Variants in TRRAP observed in about 807,000 individuals in gnomAD.
The protein encoded by TRRAP is transformation/transcription domain-associated protein.
TRRAP carries 41 observed loss-of-function variants against 438.8 expected under a neutral mutation model. That is an observed-to-expected ratio of 0.09 (90% CI 0.07 to 0.12). TRRAP has a LOEUF of 0.12. Among genes scored for constraint, TRRAP ranks in the 10% least tolerant of loss-of-function variants. The pLI is 1.00. For missense variants in TRRAP, 3,122 were observed against 5,055.1 expected (o/e 0.62, Z 11.60); for synonymous variants, 1,994 against 1,962.9 (o/e 1.02, Z -0.42).
At chr7:98,923,169 A>G (rs1452349339) in intron 21 of TRRAP, among the ~76,000 whole-genome samples, 3 of 152,230 alleles carry the variant, frequency 2.0e-5, no homozygotes, top group Non-Finnish European at 4.4e-5. Context: ...AGAGAATTGG[A>G]TGGCTAAAAT....
chr7:98,952,829 T>C (rs1185090166), intron 39 of TRRAP, among the ~76,000 whole-genome samples: 2 of 152,192 alleles, frequency 1.3e-5, no homozygotes, highest in Non-Finnish European at 2.9e-5. Flanking sequence ...GGCCGTCACC[T>C]GTGCAGATCG....
At chr7:98,972,451 A>G (rs912641465) in intron 53 of TRRAP, among the ~76,000 whole-genome samples, 2 of 152,250 alleles carry the variant, frequency 1.3e-5, no homozygotes, top group East Asian at 3.8e-4. Context: ...AGACATAATA[A>G]TGTTGGATTA....
At chr7:98,985,711 T>G (rs778169277) in intron 62 of TRRAP, among the ~76,000 whole-genome samples, 1 of 152,370 alleles carries the variant, frequency 6.6e-6, no homozygotes, top group Middle Eastern at 3.4e-3. Context: ...CTTCAGTCTG[T>G]GGGGCTTGCA....
chr7:98,909,929 C>G (rs1366267756), intron 14 of TRRAP, 127 bp from the exon 15 acceptor site: 21 of 1,436,306 alleles, frequency 1.5e-5, no homozygotes, highest in Non-Finnish European at 1.9e-5. Flanking sequence ...ACACCAACCT[C>G]ATAGAAAAGC....
intron 45 of TRRAP, among the ~76,000 whole-genome samples, chr7:98,959,950 A>G (rs895626694): frequency 6.7e-5 from 10 of 149,798 alleles, no homozygotes; most frequent in African/African-American, 1.0e-4. Context: ...AAAAAAAAAA[A>G]AAAAGAAAAA....
At chr7:98,964,427 A>G (rs146178316) in intron 47 of TRRAP, among the ~76,000 whole-genome samples, 25 of 152,298 alleles carry the variant, frequency 1.6e-4, no homozygotes, top group Admixed American at 7.2e-4. Flanking sequence ...ATTCATGATG[A>G]TTTGATCTAG....
chr7:98,947,477 A>T, intron 33 of TRRAP, among the ~76,000 whole-genome samples: 1 of 147,684 alleles, frequency 6.8e-6, no homozygotes. Context: ...TTTTTTTGAG[A>T]CCGGGTCTCA....
At position 98,978,330 on chromosome 7, in the gene TRRAP, C is replaced by G; in HGVS notation, c.8498+7C>G. On this transcript the variant is annotated splice_region_variant and intron_variant, in intron 57 of 72. Transcript: ENST00000456197. ...GGGAAGACCACTGGATTCGGTAAGCCAAACACAGTGCTTGACGTGTGCATG... is the reference window on the plus strand; with the variant it reads ...GGGAAGACCACTGGATTCGGTAAGCGAAACACAGTGCTTGACGTGTGCATG... 1 of 1,608,612 alleles carries G rather than the reference C, an allele frequency of 6.2e-7. No individual in the cohort carries two copies. The highest frequency in any genetic ancestry group is 8.5e-7 in the Non-Finnish European group (1 of 1,175,350).
intron 52 of TRRAP, 123 bp downstream of exon 52, chr7:98,970,414 G>A: frequency 2.4e-6 from 3 of 1,260,382 alleles, no homozygotes; most frequent in Non-Finnish European, 3.2e-6. Context: ...GAGAGGAGGT[G>A]AGGCCCCGCG....
chr7:98,989,258 A>C (rs1032459886), intron 63 of TRRAP, among the ~76,000 whole-genome samples: 2 of 152,156 alleles, frequency 1.3e-5, no homozygotes, highest in Non-Finnish European at 2.9e-5. Context: ...TGAGGAGGGG[A>C]TGTGGAGCTA....
Position 98,893,399 on chromosome 7 carries a change from A to T in TRRAP, c.367-399A>T, listed in dbSNP as rs567015946. On this transcript the variant is annotated intron_variant, in intron 5 of 72. Transcript: ENST00000456197. The stretch of plus-strand genomic sequence containing the variant: ...GAGATATCATGCCCTCACAGGTCAG[A>T]TGTAGATGGAACCCCATCCTCACAG... Among the ~76,000 whole-genome samples the T allele has an allele frequency of 2.2e-3, 337 of 152,336 alleles. 2 individuals are homozygous for T. The highest frequency in any genetic ancestry group is 7.3e-3 in the African/African-American group (304 of 41,578).
intron 28 of TRRAP, among the ~76,000 whole-genome samples, chr7:98,936,454 G>T (rs1790561111): frequency 6.6e-6 from 1 of 152,162 alleles, no homozygotes; most frequent in Non-Finnish European, 1.5e-5. Context: ...GCCATTGTGG[G>T]TGCTACTTTT....
chr7:98,935,748 G>A, intron 28 of TRRAP, 73 bp downstream of exon 28: 1 of 1,218,412 alleles, frequency 8.2e-7, no homozygotes, highest in South Asian at 1.9e-5. Context: ...GAAAAAAAAA[G>A]TGGCCTTTTG....
rs188719533 is a variant in TRRAP, at chr7:98,915,688, A to G, written c.2200-35A>G. 76 of 1,604,100 alleles carry G rather than the reference A, an allele frequency of 4.7e-5. 1 individual carries two copies. The Admixed American group carries it at 7.4e-4, about 16-fold the overall frequency. ...TGGAGGGTATAGACCCTCCTCATTT[A>G]GATGCCACTAATCTGCGTCTTCTCC... On this transcript the variant is annotated intron_variant, in intron 18 of 72. Transcript: ENST00000456197.
intron 67 of TRRAP, chr7:98,998,478 CTTG>C (rs1265622469): frequency 6.0e-6 from 1 of 166,508 alleles, no homozygotes; most frequent in African/African-American, 2.4e-5. Flanking sequence ...ACTTTGTGTA[CTTG>C]ACGAAAGATT....
chr7:98,944,252 G>C (rs1554416309), intron 31 of TRRAP, among the ~76,000 whole-genome samples: 1 of 151,728 alleles, frequency 6.6e-6, no homozygotes, highest in Admixed American at 6.6e-5. Context: ...TTAATTTTCT[G>C]GAACTCAGTC....
At chr7:98,992,794 G>A (rs946633574) in intron 65 of TRRAP, among the ~76,000 whole-genome samples, 1 of 152,136 alleles carries the variant, frequency 6.6e-6, no homozygotes, top group East Asian at 1.9e-4. Flanking sequence ...ACTGCCCCTT[G>A]TTTTCAATGC....
chr7:98,913,608 T>G (rs550141028), intron 18 of TRRAP, among the ~76,000 whole-genome samples: 1 of 152,296 alleles, frequency 6.6e-6, no homozygotes, highest in African/African-American at 2.4e-5. Context: ...TTTTGTGTTT[T>G]CTCTGTGTTA....
intron 63 of TRRAP, among the ~76,000 whole-genome samples, chr7:98,989,914 A>G (rs1003133100): frequency 6.6e-6 from 1 of 152,238 alleles, no homozygotes; most frequent in African/African-American, 2.4e-5. Flanking sequence ...GGATTAGATC[A>G]GCGAGTAATT....
Sources: gnomAD v4.1 joint callset for allele counts (sites outside exome capture counted in the v4.1 genomes callset) on GRCh38, gnomAD v4.1.1 for gene constraint, MANE v1.5 for transcripts, NCBI Gene and HGNC (gene_info 2026-07-23, HGNC 2026-07-21) for gene names.